Variants in DOCK3 observed in about 807,000 individuals in gnomAD.
DOCK3 encodes dedicator of cytokinesis 3, also known as dedicator of cytokinesis protein 3.
DOCK3 carries 60 observed loss-of-function variants against 265.6 expected under a neutral mutation model. That is an observed-to-expected ratio of 0.23 (90% CI 0.18 to 0.28). DOCK3 has a LOEUF of 0.28. Among genes scored for constraint, DOCK3 ranks in the 10% least tolerant of loss-of-function variants. The pLI is 1.00. For synonymous variants in DOCK3, 881 were observed against 938.0 expected, an observed-to-expected ratio of 0.94 and a Z score of 1.11; for missense variants, 1,981 against 2,594.3, an observed-to-expected ratio of 0.76 and a Z score of 5.14.
At chr3:50,820,832 T>TTC (rs1049995876) in intron 2 of DOCK3, among the ~76,000 whole-genome samples, 1 of 151,238 alleles carries the variant, frequency 6.6e-6, no homozygotes, top group Non-Finnish European at 1.5e-5. Context: ...ATCTTTTTTT[T>TTC]TTTTTTTTTT....
At chr3:50,917,767 A>G (rs1347075922) in intron 4 of DOCK3, among the ~76,000 whole-genome samples, 1 of 151,458 alleles carries the variant, frequency 6.6e-6, no homozygotes, top group Non-Finnish European at 1.5e-5. Context: ...TTTTGTTTTT[A>G]TTTTTATTAT....
At chr3:50,958,440 C>T (rs2076788070) in intron 5 of DOCK3, among the ~76,000 whole-genome samples, 1 of 152,114 alleles carries the variant, frequency 6.6e-6, no homozygotes, top group African/African-American at 2.4e-5. Context: ...GGCTCAAGGC[C>T]AACATGTCTT....
chr3:51,022,192 A>G (rs2079623078), intron 5 of DOCK3, among the ~76,000 whole-genome samples: 2 of 152,272 alleles, frequency 1.3e-5, no homozygotes, highest in South Asian at 4.1e-4. Context: ...GATTTTGTAC[A>G]TTGACTGTAT....
At chr3:51,080,562 C>T (rs118091891) in intron 7 of DOCK3, among the ~76,000 whole-genome samples, 1 of 152,272 alleles carries the variant, frequency 6.6e-6, no homozygotes, top group East Asian at 1.9e-4. Flanking sequence ...AGTTCTGATG[C>T]CTTTCTCTGG....
At chr3:51,115,150 G>C (rs1333166073) in intron 9 of DOCK3, among the ~76,000 whole-genome samples, 1 of 152,182 alleles carries the variant, frequency 6.6e-6, no homozygotes, top group African/African-American at 2.4e-5. Context: ...AATCCTTAGG[G>C]TATATACCCA....
Position 50,790,674 on chromosome 3 carries a change from C to T in DOCK3, c.121+11916C>T, listed in dbSNP as rs546631941. 1.2e-4 allele frequency among the ~76,000 whole-genome samples: 19 copies of T among 152,182 alleles called. No homozygotes were observed. The East Asian group carries it at 3.5e-3, about 28-fold the overall frequency. On this transcript the variant is annotated intron_variant, in intron 2 of 52. Transcript: ENST00000266037. Reference sequence around the variant, plus strand: ...TCCCTTCAAGTTTATAGGGTTTCTGCTGAGAAATCTGCTTTTAATCTGATA... The same window carrying T: ...TCCCTTCAAGTTTATAGGGTTTCTGTTGAGAAATCTGCTTTTAATCTGATA...
At chr3:50,902,781 C>T (rs972714236) in intron 4 of DOCK3, among the ~76,000 whole-genome samples, 2 of 152,144 alleles carry the variant, frequency 1.3e-5, no homozygotes, top group African/African-American at 4.8e-5. Context: ...TGGCCATTTT[C>T]ACAATATTGA....
chr3:51,196,425 T>C (rs1262556654), intron 12 of DOCK3, among the ~76,000 whole-genome samples: 9 of 152,226 alleles, frequency 5.9e-5, no homozygotes, highest in Non-Finnish European at 1.2e-4. Flanking sequence ...CTGAGTCTCT[T>C]GTATCTGAAA....
rs572950427 is a variant in DOCK3, at chr3:51,160,791, G to A, written c.1037+89G>A. 8.5e-5 allele frequency: 126 copies of A among 1,474,898 alleles called. No individual in the cohort carries two copies. In the African/African-American group the frequency reaches 1.4e-3, roughly 16 times the overall value. The allele number at this position is 1,474,898 out of a possible 1,614,324, so 91.4% of individuals were successfully genotyped here. A position where few individuals can be genotyped will look rare whatever the true frequency, so the allele number is the denominator to read the frequency against. ...AGAGTAGTAGTGCTCAAACCTTGTG[G>A]ACACAGGCCACGCAGTGGCTCACGC... On this transcript the variant is annotated intron_variant, in intron 12 of 52. Coordinates refer to ENST00000266037, the MANE Select transcript of DOCK3 (RefSeq NM_004947.5).
chr3:51,097,959 C>A (rs1433875446), intron 9 of DOCK3, among the ~76,000 whole-genome samples: 2 of 152,146 alleles, frequency 1.3e-5, no homozygotes, highest in African/African-American at 4.8e-5. Flanking sequence ...CTAACCAGCC[C>A]CAATGAGATG....
rs970615968 is a variant in DOCK3, at chr3:51,161,092, A to C, written c.1037+390A>C. Among the ~76,000 whole-genome samples, 22 of 149,408 alleles carry C rather than the reference A, an allele frequency of 1.5e-4. 1 individual carries two copies. Among genetic ancestry groups the C allele is most frequent in the Admixed American group, 1.3e-3 (20 of 15,014 alleles). On this transcript the variant is annotated intron_variant, in intron 12 of 52. Coordinates refer to ENST00000266037, the MANE Select transcript of DOCK3 (RefSeq NM_004947.5). ...CTCCGTTTCAAAGAAAAAAAAAAAA[A>C]ACAAAAACACCTTGTGGACACAGAA...
chr3:51,095,505 A>G (rs757089901), intron 9 of DOCK3, among the ~76,000 whole-genome samples: 1 of 152,126 alleles, frequency 6.6e-6, no homozygotes, highest in Non-Finnish European at 1.5e-5. Context: ...TCCTTGGGGT[A>G]TTAAAAAAGC....
At chr3:51,151,454 A>C (rs2085590076) in intron 10 of DOCK3, among the ~76,000 whole-genome samples, 1 of 152,212 alleles carries the variant, frequency 6.6e-6, no homozygotes, top group Non-Finnish European at 1.5e-5. Context: ...ATCAAAGACC[A>C]AAGGTAGATA....
At chr3:51,192,354 C>T (rs889323592) in intron 12 of DOCK3, among the ~76,000 whole-genome samples, 1 of 151,540 alleles carries the variant, frequency 6.6e-6, no homozygotes, top group Admixed American at 6.6e-5. Flanking sequence ...CCTACAAGAT[C>T]ATCACCACCC....
At chr3:50,921,576 C>A (rs896347239) in intron 4 of DOCK3, among the ~76,000 whole-genome samples, 1 of 152,216 alleles carries the variant, frequency 6.6e-6, no homozygotes, top group East Asian at 1.9e-4. Flanking sequence ...CATTCTCCAT[C>A]CAGCTTTGTT....
chr3:51,058,421 C>A (rs952213004), intron 5 of DOCK3, among the ~76,000 whole-genome samples: 5 of 152,216 alleles, frequency 3.3e-5, no homozygotes, highest in Admixed American at 6.5e-5. Flanking sequence ...TTAAAAAAAA[C>A]CATGTACAAT....
chr3:51,192,417 C>T (rs1249644746), intron 12 of DOCK3, among the ~76,000 whole-genome samples: 1 of 151,766 alleles, frequency 6.6e-6, no homozygotes, highest in East Asian at 2.0e-4. Flanking sequence ...ACTAACAGGT[C>T]AATATCCCTG....
At chr3:51,319,965 A>G (rs1431083856) in intron 32 of DOCK3, among the ~76,000 whole-genome samples, 1 of 152,200 alleles carries the variant, frequency 6.6e-6, no homozygotes, top group African/African-American at 2.4e-5. Context: ...GAGGCAGTTT[A>G]TGTCTTTTTT....
At chr3:51,247,316 C>T (rs2078888584) in intron 22 of DOCK3, among the ~76,000 whole-genome samples, 1 of 152,178 alleles carries the variant, frequency 6.6e-6, no homozygotes, top group Non-Finnish European at 1.5e-5. Flanking sequence ...ATGGTCGTGA[C>T]CATTGTCAGC....
Sources: gnomAD v4.1 joint callset for allele counts (sites outside exome capture counted in the v4.1 genomes callset) on GRCh38, gnomAD v4.1.1 for gene constraint, MANE v1.5 for transcripts, NCBI Gene and HGNC (gene_info 2026-07-23, HGNC 2026-07-21) for gene names.